Variants in PDS5B observed in about 807,000 individuals in gnomAD.
PDS5B encodes the protein PDS5 cohesin associated factor B, also known as sister chromatid cohesion protein PDS5 homolog B.
Under a neutral mutation model 184.1 loss-of-function variants are expected in PDS5B, and 51 were observed. The observed-to-expected ratio is 0.28, with a 90% confidence interval of 0.22 to 0.35. The LOEUF (loss-of-function observed/expected upper bound fraction) is 0.35, where lower values mean the gene tolerates loss of function less well. Among genes scored for constraint, PDS5B ranks in the 10% least tolerant of loss-of-function variants. The probability of loss-of-function intolerance (pLI) is 1.00; values close to 1 mark genes in which losing one functional copy is unlikely to be tolerated. For missense variants in PDS5B, 1,180 were observed against 1,723.3 expected (o/e 0.68, Z 5.58); for synonymous variants, 566 against 569.2 (o/e 0.99, Z 0.08).
At chr13:32,678,338 G>A (rs544574146) in intron 9 of PDS5B, among the ~76,000 whole-genome samples, 1 of 150,694 alleles carries the variant, frequency 6.6e-6, no homozygotes, top group African/African-American at 2.5e-5. Flanking sequence ...ATGATTAATT[G>A]GATAGTAGTA....
intron 6 of PDS5B, among the ~76,000 whole-genome samples, chr13:32,666,212 C>T (rs970120928): frequency 6.6e-6 from 1 of 152,138 alleles, no homozygotes; most frequent in Non-Finnish European, 1.5e-5. Context: ...TCCCAAGTAG[C>T]TGGGAGTATA....
chr13:32,663,581 TAAG>T (rs910474528), intron 6 of PDS5B, among the ~76,000 whole-genome samples: 4 of 152,146 alleles, frequency 2.6e-5, no homozygotes, highest in East Asian at 1.9e-4. Flanking sequence ...CTTAAATTGA[TAAG>T]GAGATATGTA....
intron 25 of PDS5B, 24 bp from the exon 26 acceptor site, chr13:32,755,818 T>G (rs968237827): frequency 1.8e-6 from 2 of 1,082,634 alleles, no homozygotes; most frequent in Non-Finnish European, 2.7e-6. Flanking sequence ...TTTTTTTTGT[T>G]TGTTTGTTTG....
At position 32,586,546 on chromosome 13, in the gene PDS5B, T is replaced by TCCCGGAGAGC. The variant is rs1190688672; in HGVS notation, c.-59_-50dup. ...GATTGGATGCGGCGGCGGCGGCGGA[T>TCCCGGAGAGC]CCCGGAGAGCCCCGGAGTGAGCGGA... On this transcript the variant is annotated 5_prime_UTR_variant, in exon 1 of 35. Coordinates refer to ENST00000315596, the MANE Select transcript of PDS5B (RefSeq NM_015032.4). 1 of 150,648 alleles carries TCCCGGAGAGC rather than the reference T, an allele frequency of 6.6e-6. No individual in the cohort carries two copies. Among genetic ancestry groups the TCCCGGAGAGC allele is most frequent in the East Asian group, 2.0e-4 (1 of 4,994 alleles). The allele number at this position is 150,648 out of a possible 1,614,324, so 9.3% of individuals were successfully genotyped here. A position where few individuals can be genotyped will look rare whatever the true frequency, so the allele number is the denominator to read the frequency against.
chr13:32,627,811 A>G (rs1295656895), intron 1 of PDS5B, among the ~76,000 whole-genome samples: 1 of 152,154 alleles, frequency 6.6e-6, no homozygotes, highest in African/African-American at 2.4e-5. Context: ...TGGGTCATCT[A>G]ATTGATTTCT....
chr13:32,726,251 T>A (rs536966119), intron 19 of PDS5B, among the ~76,000 whole-genome samples: 11 of 152,252 alleles, frequency 7.2e-5, no homozygotes, highest in Middle Eastern at 3.4e-3. Flanking sequence ...TTTCTTCACC[T>A]TTTTTCTCTC....
At chr13:32,593,627 C>A (rs2057810384) in intron 1 of PDS5B, among the ~76,000 whole-genome samples, 1 of 152,230 alleles carries the variant, frequency 6.6e-6, no homozygotes, top group South Asian at 2.1e-4. Flanking sequence ...AGGTGTGAGC[C>A]ACTACGCCTG....
intron 1 of PDS5B, among the ~76,000 whole-genome samples, chr13:32,620,663 A>T (rs566967009): frequency 1.3e-5 from 2 of 149,244 alleles, no homozygotes; most frequent in Non-Finnish European, 2.9e-5. Flanking sequence ...TCTCAAAAAA[A>T]AAAAAAAAAA....
chr13:32,610,938 T>C (rs1170439652), intron 1 of PDS5B, among the ~76,000 whole-genome samples: 1 of 152,122 alleles, frequency 6.6e-6, no homozygotes, highest in East Asian at 1.9e-4. Flanking sequence ...TTAAAACCTT[T>C]CTTATTGAAA....
chr13:32,638,072 T>C (rs1199794053), intron 1 of PDS5B, among the ~76,000 whole-genome samples: 1 of 152,206 alleles, frequency 6.6e-6, no homozygotes, highest in East Asian at 1.9e-4. Context: ...TAGGGCTGGC[T>C]TGTTCATGAT....
intron 21 of PDS5B, among the ~76,000 whole-genome samples, chr13:32,738,851 T>C (rs574410259): frequency 6.6e-6 from 1 of 152,118 alleles, no homozygotes; most frequent in East Asian, 1.9e-4. Context: ...TTTGTATTTT[T>C]AGTAGAGATG....
chr13:32,643,145 ACTTT>A (rs1950140848), intron 1 of PDS5B, among the ~76,000 whole-genome samples: 1 of 152,108 alleles, frequency 6.6e-6, no homozygotes, highest in Non-Finnish European at 1.5e-5. Flanking sequence ...AGGCAGAGAG[ACTTT>A]CTTCCACTCC....
At chr13:32,721,675 A>C (rs1952710282) in intron 19 of PDS5B, among the ~76,000 whole-genome samples, 1 of 143,456 alleles carries the variant, frequency 7.0e-6, no homozygotes, top group Non-Finnish European at 1.5e-5. Flanking sequence ...CCCACGTCCC[A>C]GATAGTGGGC....
In PDS5B at chr13:32,694,220, C is replaced by T. The variant is rs761391966; in HGVS notation, c.1470-3C>T. 1.3e-6 allele frequency: 2 copies of T among 1,588,944 alleles called. No individual in the cohort carries two copies. Among genetic ancestry groups the T allele is most frequent in the African/African-American group, 1.4e-5 (1 of 73,648 alleles). On this transcript the variant is annotated splice_region_variant and splice_polypyrimidine_tract_variant and intron_variant, in intron 13 of 34. Transcript: ENST00000315596. ...TTTAAATGTGTATGTTTGTGTTTTTCAGAGCATTGAATGAAATGTGGAAAT... is the reference window on the plus strand; with the variant it reads ...TTTAAATGTGTATGTTTGTGTTTTTTAGAGCATTGAATGAAATGTGGAAAT...
intron 31 of PDS5B, among the ~76,000 whole-genome samples, chr13:32,765,192 G>A (rs963761952): frequency 6.6e-6 from 1 of 152,168 alleles, no homozygotes; most frequent in Non-Finnish European, 1.5e-5. Flanking sequence ...CAACTCAATG[G>A]ACTTAACTGG....
intron 10 of PDS5B, among the ~76,000 whole-genome samples, 156 bp from the exon 11 acceptor site, chr13:32,683,719 ATCT>A (rs1160374124): frequency 3.3e-5 from 5 of 152,158 alleles, no homozygotes; most frequent in Admixed American, 6.5e-5. Flanking sequence ...TGAAGAACTA[ATCT>A]TCTTTCTTCC....
At chr13:32,672,028 T>C (rs1407165385) in intron 7 of PDS5B, among the ~76,000 whole-genome samples, 1 of 152,206 alleles carries the variant, frequency 6.6e-6, no homozygotes, top group East Asian at 1.9e-4. Flanking sequence ...TGGAAACTAG[T>C]TAGAGCTAGC....
chr13:32,614,679 A>T (rs2140518390), intron 1 of PDS5B, among the ~76,000 whole-genome samples: 1 of 152,354 alleles, frequency 6.6e-6, no homozygotes, highest in South Asian at 2.1e-4. Context: ...GAACCAGGCA[A>T]AGTAGATATT....
At position 32,770,159 on chromosome 13, in the gene PDS5B, C is replaced by T. The variant is rs200532241; in HGVS notation, c.3663C>T (p.Pro1221=). 190 of 1,613,012 alleles carry T rather than the reference C, an allele frequency of 1.2e-4. No individual in the cohort carries two copies. The highest frequency in any genetic ancestry group is 7.4e-4 in the African/African-American group (55 of 74,754). The stretch of plus-strand genomic sequence containing the variant: ...AGCCTAGAGGCAGGAAAAAAACGCC[C>T]GTCACAGAACAGGAGGAGAAATTAG... ...LEKPRGRKKT[P]VTEQEEKLGM... is the part of the protein sequence containing the mutation. The change falls in exon 32 of 35, where the codon CCC becomes CCT. Residue 1221 remains proline (P), a synonymous_variant. Coordinates refer to ENST00000315596, the MANE Select transcript of PDS5B (RefSeq NM_015032.4).
Sources: gnomAD v4.1 joint callset for allele counts (sites outside exome capture counted in the v4.1 genomes callset) on GRCh38, gnomAD v4.1.1 for gene constraint, MANE v1.5 for transcripts, NCBI Gene and HGNC (gene_info 2026-07-23, HGNC 2026-07-21) for gene names.